PRKCB: variants seen among roughly 807,000 people sequenced by gnomAD.
PRKCB encodes protein kinase C beta.
PRKCB carries 13 observed loss-of-function variants against 81.5 expected under a neutral mutation model. That is an observed-to-expected ratio of 0.16 (90% CI 0.10 to 0.25). The LOEUF is 0.25. Among genes scored for constraint, PRKCB ranks in the 10% least tolerant of loss-of-function variants. The pLI is 1.00. For missense variants in PRKCB, 509 were observed against 875.7 expected, an observed-to-expected ratio of 0.58 and a Z score of 5.29; for synonymous variants, 335 against 321.4, an observed-to-expected ratio of 1.04 and a Z score of -0.45.
At chr16:24,133,898 A>AT (rs113809790) in intron 9 of PRKCB, among the ~76,000 whole-genome samples, 39,033 of 141,262 alleles carry the variant, frequency 0.28, 5,842 homozygotes, top group African/African-American at 0.39. Context: ...CCTAGTTTAA[A>AT]TTTTTTTTTT....
chr16:24,098,442 C>A (rs1966467640), intron 7 of PRKCB: 1 of 152,118 alleles, frequency 6.6e-6, no homozygotes, highest in East Asian at 1.9e-4. Context: ...GGGTTATCTA[C>A]TAGAATGAAA....
intron 3 of PRKCB, among the ~76,000 whole-genome samples, chr16:23,994,438 G>C (rs1316816557): frequency 6.6e-6 from 1 of 152,218 alleles, no homozygotes; most frequent in Non-Finnish European, 1.5e-5. Context: ...GTGAAGCCAA[G>C]AGGAAGCCAT....
intron 3 of PRKCB, among the ~76,000 whole-genome samples, chr16:24,027,004 T>A (rs763617000): frequency 3.2e-4 from 48 of 152,126 alleles, no homozygotes; most frequent in Non-Finnish European, 6.2e-4. Flanking sequence ...GGGTTCCTTT[T>A]TTATTATTAT....
chr16:24,141,434 G>T (rs1966900732), intron 9 of PRKCB, among the ~76,000 whole-genome samples: 1 of 152,160 alleles, frequency 6.6e-6, no homozygotes, highest in Non-Finnish European at 1.5e-5. Context: ...GGTCTCAAGT[G>T]ATCCACCTGC....
intron 7 of PRKCB, among the ~76,000 whole-genome samples, chr16:24,103,900 G>A (rs1490192695): frequency 1.3e-5 from 2 of 152,140 alleles, no homozygotes; most frequent in Non-Finnish European, 2.9e-5. Context: ...CCGCCTTCCG[G>A]GTTCAAGCTA....
chr16:23,860,935 T>C (rs969928021), intron 2 of PRKCB, among the ~76,000 whole-genome samples: 6 of 152,088 alleles, frequency 3.9e-5, no homozygotes, highest in Admixed American at 3.9e-4. Flanking sequence ...TTTCTTTTAA[T>C]TCTTCGGGTT....
intron 16 of PRKCB, among the ~76,000 whole-genome samples, chr16:24,193,460 T>TAAATAAATA (rs796231168): frequency 0.054 from 4,789 of 88,450 alleles, 283 homozygotes; most frequent in African/African-American, 0.16. Flanking sequence ...AATAAATAAA[T>TAAATAAATA]AAATAAATAA....
chr16:24,013,100 C>T (rs892198232), intron 3 of PRKCB, among the ~76,000 whole-genome samples: 4 of 152,186 alleles, frequency 2.6e-5, no homozygotes, highest in African/African-American at 7.2e-5. Context: ...GGTCAACTCA[C>T]GCTGGTCCTC....
intron 5 of PRKCB, among the ~76,000 whole-genome samples, chr16:24,049,862 G>A (rs1328634974): frequency 2.0e-5 from 3 of 152,194 alleles, no homozygotes; most frequent in Non-Finnish European, 2.9e-5. Flanking sequence ...GTATCGCTCA[G>A]GGAATCAGAG....
rs1432737464 is a variant in PRKCB, at chr16:24,215,843, G to A, written c.*1027G>A. 1 of 985,424 alleles carries A rather than the reference G, an allele frequency of 1.0e-6. No homozygotes were observed. Among genetic ancestry groups the A allele is most frequent in the East Asian group, 1.1e-4 (1 of 8,810 alleles). The allele number at this position is 985,424 out of a possible 1,614,324, so 61.0% of individuals were successfully genotyped here. Reference sequence around the variant, plus strand: ...TTACTGGCTTCAGAAAGCTAATTAAGTGCTCTGAAAAAGACACCGTTTCTT... The same window carrying A: ...TTACTGGCTTCAGAAAGCTAATTAAATGCTCTGAAAAAGACACCGTTTCTT... On this transcript the variant is annotated 3_prime_UTR_variant, in exon 17 of 17. Coordinates refer to ENST00000643927, the MANE Select transcript of PRKCB (RefSeq NM_002738.7).
At chr16:24,002,229 T>C (rs1965044881) in intron 3 of PRKCB, among the ~76,000 whole-genome samples, 1 of 152,158 alleles carries the variant, frequency 6.6e-6, no homozygotes, top group East Asian at 1.9e-4. Flanking sequence ...ATGCGTCCTC[T>C]TTTCCTCCAC....
At chr16:24,096,666 A>AAAAAAAATATATATATATATAT (rs1406204037) in intron 7 of PRKCB, among the ~76,000 whole-genome samples, 1 of 32,712 alleles carries the variant, frequency 3.1e-5, no homozygotes, top group African/African-American at 9.7e-5. Flanking sequence ...AAAAAAAAAA[A>AAAAAAAATATATATATATATAT]ATATATATAT....
intron 2 of PRKCB, among the ~76,000 whole-genome samples, chr16:23,979,030 C>T (rs901254488): frequency 2.6e-5 from 4 of 152,088 alleles, no homozygotes; most frequent in South Asian, 2.1e-4. Context: ...GTGTACAGGC[C>T]GCATGGGGTG....
At chr16:24,003,881 T>C (rs1434267140) in intron 3 of PRKCB, among the ~76,000 whole-genome samples, 1 of 152,176 alleles carries the variant, frequency 6.6e-6, no homozygotes, top group Non-Finnish European at 1.5e-5. Flanking sequence ...ATTATAAGCT[T>C]GCTTAACCAC....
At chr16:24,157,008 T>C (rs1017975077) in intron 10 of PRKCB, among the ~76,000 whole-genome samples, 1 of 132,270 alleles carries the variant, frequency 7.6e-6, no homozygotes, top group African/African-American at 3.1e-5. Context: ...CTAATGTTCA[T>C]TGTAGTGTCT....
At chr16:23,984,075 G>A (rs549252111) in intron 2 of PRKCB, among the ~76,000 whole-genome samples, 1 of 151,384 alleles carries the variant, frequency 6.6e-6, no homozygotes, top group African/African-American at 2.5e-5. Flanking sequence ...AACATAGGAT[G>A]CAGCCAAAAC....
At chr16:24,108,881 C>T (rs1389715954) in intron 7 of PRKCB, among the ~76,000 whole-genome samples, 2 of 151,414 alleles carry the variant, frequency 1.3e-5, no homozygotes, top group Non-Finnish European at 2.9e-5. Context: ...ACCTCCCAGA[C>T]GGGGTGGTGG....
intron 2 of PRKCB, among the ~76,000 whole-genome samples, chr16:23,873,625 T>C (rs561263185): frequency 6.6e-6 from 1 of 152,314 alleles, no homozygotes; most frequent in African/African-American, 2.4e-5. Context: ...ATTTCTTAAG[T>C]CTAATTCCAA....
chr16:24,215,874 A>G lies in PRKCB; in HGVS notation c.*1058A>G, dbSNP rs966736700. 1.0e-6 allele frequency: 1 copy of G among 985,464 alleles called. No homozygotes were observed. The highest frequency in any genetic ancestry group is 1.7e-5 in the African/African-American group (1 of 57,222). 61.0% of individuals were successfully genotyped at this position (985,464 alleles called of 1,614,324 possible). On this transcript the variant is annotated 3_prime_UTR_variant, in exon 17 of 17. Transcript: ENST00000643927. ...TGAAAAAGACACCGTTTCTTGAAAC[A>G]AAGATGGTTGTATTCCTCACTTTGA...
Sources: gnomAD v4.1 joint callset for allele counts (sites outside exome capture counted in the v4.1 genomes callset) on GRCh38, gnomAD v4.1.1 for gene constraint, MANE v1.5 for transcripts, NCBI Gene and HGNC (gene_info 2026-07-23, HGNC 2026-07-21) for gene names.